The following CDKAL1 variants were observed in gnomAD, a reference collection of about 807,000 sequenced individuals.
The protein encoded by CDKAL1 is CDKAL1 threonylcarbamoyladenosine tRNA methylthiotransferase.
Under a neutral mutation model 68.2 loss-of-function variants are expected in CDKAL1, and 32 were observed. That is an observed-to-expected ratio of 0.47 (90% CI 0.35 to 0.63). CDKAL1 has a LOEUF of 0.63. Ranked by LOEUF, CDKAL1 falls within the 30% of genes least tolerant of loss-of-function variation. CDKAL1 has a pLI of 0.00. For synonymous variants in CDKAL1, 234 were observed against 244.3 expected (o/e 0.96, Z 0.39); for missense variants, 606 against 696.7 (o/e 0.87, Z 1.47).
chr6:21,042,287 C>A (rs1769970929), intron 11 of CDKAL1, among the ~76,000 whole-genome samples: 1 of 152,016 alleles, frequency 6.6e-6, no homozygotes, highest in African/African-American at 2.4e-5. Flanking sequence ...ACCATACCAC[C>A]ATTCACCCCT....
At chr6:21,216,426 C>T (rs994562817) in intron 15 of CDKAL1, among the ~76,000 whole-genome samples, 1 of 151,996 alleles carries the variant, frequency 6.6e-6, no homozygotes, top group Non-Finnish European at 1.5e-5. Flanking sequence ...TATAATTGCA[C>T]CACTAAACTA....
intron 9 of CDKAL1, among the ~76,000 whole-genome samples, chr6:20,952,967 C>T (rs1465921116): frequency 3.9e-5 from 6 of 152,220 alleles, no homozygotes; most frequent in Admixed American, 3.9e-4. Context: ...AACTTTCTCA[C>T]GTTGACTAAG....
chr6:21,171,253 C>G (rs921196795), intron 13 of CDKAL1, among the ~76,000 whole-genome samples: 4 of 152,092 alleles, frequency 2.6e-5, no homozygotes, highest in African/African-American at 9.7e-5. Context: ...TGCTGTGATG[C>G]CCAGGCTGAA....
At chr6:20,866,450 A>C (rs1759912776) in intron 9 of CDKAL1, among the ~76,000 whole-genome samples, 3 of 152,206 alleles carry the variant, frequency 2.0e-5, no homozygotes, top group African/African-American at 7.2e-5. Context: ...TCAGAAAAAA[A>C]ACTGTTTCAG....
At chr6:20,670,058 ACT>A (rs1314700576) in intron 5 of CDKAL1, among the ~76,000 whole-genome samples, 9 of 152,236 alleles carry the variant, frequency 5.9e-5, no homozygotes, top group African/African-American at 1.9e-4. Context: ...CTTATAAGTA[ACT>A]CTGCTCTTTA....
At chr6:20,686,141 G>A (rs1770608135) in intron 5 of CDKAL1, among the ~76,000 whole-genome samples, 2 of 148,458 alleles carry the variant, frequency 1.3e-5, no homozygotes, top group Admixed American at 1.3e-4. Flanking sequence ...TATTTCATCT[G>A]CGAACAAAGA....
At chr6:20,661,606 C>A (rs56676529) in intron 5 of CDKAL1, among the ~76,000 whole-genome samples, 31,939 of 108,500 alleles carry the variant, frequency 0.29, 4,101 homozygotes, top group African/African-American at 0.48. Flanking sequence ...TAAAAAAAAA[C>A]CAAATGAAAC....
chr6:20,754,255 T>G (rs1774071100), intron 6 of CDKAL1, among the ~76,000 whole-genome samples: 1 of 152,168 alleles, frequency 6.6e-6, no homozygotes, highest in Middle Eastern at 3.4e-3. Flanking sequence ...AGTGCTGGGA[T>G]TACAGGTGTG....
intron 8 of CDKAL1, among the ~76,000 whole-genome samples, chr6:20,825,660 G>A (rs1469734385): frequency 6.6e-6 from 1 of 152,148 alleles, no homozygotes. Flanking sequence ...AGTACTTGTG[G>A]CATCGAAGCA....
intron 8 of CDKAL1, among the ~76,000 whole-genome samples, chr6:20,834,421 C>T (rs771474400): frequency 2.6e-5 from 4 of 152,296 alleles, no homozygotes; most frequent in Middle Eastern, 3.4e-3. Flanking sequence ...GGGTTCCAAT[C>T]TCATCTCCTA....
chr6:20,614,749 A>G (rs1225647204), intron 4 of CDKAL1, among the ~76,000 whole-genome samples: 1 of 152,172 alleles, frequency 6.6e-6, no homozygotes, highest in Admixed American at 6.5e-5. Context: ...CTTTAAAAAT[A>G]TGGACTTTCA....
intron 5 of CDKAL1, among the ~76,000 whole-genome samples, chr6:20,700,349 C>A (rs1341783870): frequency 6.9e-6 from 1 of 144,942 alleles, no homozygotes; most frequent in Admixed American, 6.8e-5. Context: ...GAGTGAAACT[C>A]CATCTCAAAA....
chr6:20,922,249 C>T (rs1051293130), intron 9 of CDKAL1, among the ~76,000 whole-genome samples: 4 of 152,218 alleles, frequency 2.6e-5, no homozygotes, highest in African/African-American at 9.6e-5. Flanking sequence ...CATAATGAAT[C>T]ACATATTCAA....
At chr6:20,780,912 G>T (rs1561771870) in intron 7 of CDKAL1, among the ~76,000 whole-genome samples, 1 of 152,072 alleles carries the variant, frequency 6.6e-6, no homozygotes, top group Non-Finnish European at 1.5e-5. Context: ...GACCTCAGGT[G>T]ATCCACCCAC....
chr6:21,197,660 C>T (rs562916448), intron 13 of CDKAL1, among the ~76,000 whole-genome samples: 1 of 152,200 alleles, frequency 6.6e-6, no homozygotes, highest in East Asian at 1.9e-4. Flanking sequence ...CTTGTTCTGG[C>T]TTGTTTTGCA....
chr6:21,166,306 A>C (rs1232282391), intron 13 of CDKAL1, among the ~76,000 whole-genome samples: 1 of 152,174 alleles, frequency 6.6e-6, no homozygotes, highest in Non-Finnish European at 1.5e-5. Context: ...GTGAAAGCAG[A>C]CTTTATTCTG....
At chr6:21,226,986 C>T (rs1382467971) in intron 15 of CDKAL1, among the ~76,000 whole-genome samples, 4 of 152,220 alleles carry the variant, frequency 2.6e-5, no homozygotes, top group African/African-American at 9.6e-5. Context: ...GGATTGTAGG[C>T]GTGAGCCACC....
At chr6:20,769,294 C>T (rs899492236) in intron 7 of CDKAL1, among the ~76,000 whole-genome samples, 4 of 134,144 alleles carry the variant, frequency 3.0e-5, no homozygotes, top group Non-Finnish European at 4.6e-5. Flanking sequence ...AGTCTTGCTC[C>T]GTCGCCCAGG....
chr6:20,545,272 C>T (rs554360500), intron 2 of CDKAL1, among the ~76,000 whole-genome samples: 40 of 151,840 alleles, frequency 2.6e-4, no homozygotes, highest in Admixed American at 2.0e-3. Context: ...ATTTTGCTGG[C>T]GGGGCAGGGA....
Sources: gnomAD v4.1 joint callset for allele counts (sites outside exome capture counted in the v4.1 genomes callset) on GRCh38, gnomAD v4.1.1 for gene constraint, MANE v1.5 for transcripts, NCBI Gene and HGNC (gene_info 2026-07-23, HGNC 2026-07-21) for gene names.